The following C13orf42 variants were observed in gnomAD, a reference collection of about 807,000 sequenced individuals.
The protein encoded by C13orf42 is chromosome 13 open reading frame 42.
intron 1 of C13orf42, among the ~76,000 whole-genome samples, chr13:51,141,095 G>GGGGT (rs1555268146): frequency 7.8e-6 from 1 of 128,498 alleles, no homozygotes; most frequent in South Asian, 2.8e-4. Flanking sequence ...ATCGAAGGGA[G>GGGGT]GTGTGTGTGT....
chr13:51,167,833 T>C (rs1449102134), intron 1 of C13orf42, among the ~76,000 whole-genome samples: 1 of 152,194 alleles, frequency 6.6e-6, no homozygotes, highest in Non-Finnish European at 1.5e-5. Flanking sequence ...AACATATGTG[T>C]CTAACTTGAT....
intron 1 of C13orf42, among the ~76,000 whole-genome samples, chr13:51,170,087 A>G (rs9596473): frequency 2.0e-5 from 3 of 152,096 alleles, no homozygotes; most frequent in South Asian, 2.1e-4. Context: ...TCCTGGCTCA[A>G]AAAGCACCCC....
chr13:51,138,498 A>C (rs1953673543), intron 1 of C13orf42, among the ~76,000 whole-genome samples: 1 of 149,082 alleles, frequency 6.7e-6, no homozygotes, highest in African/African-American at 2.5e-5. Context: ...GAAAAATACA[A>C]ATCAAAACCA....
intron 1 of C13orf42, among the ~76,000 whole-genome samples, chr13:51,144,687 A>C (rs1953721421): frequency 6.6e-6 from 1 of 152,176 alleles, no homozygotes; most frequent in African/African-American, 2.4e-5. Flanking sequence ...GACCTGTGGT[A>C]AGTAAAGAAT....
Position 51,085,343 on chromosome 13 carries a change from A to C in C13orf42, c.779T>G (p.Phe260Cys). ...CTCTTTTTTGCAGGCTTTGGGCTTAAATTTCCAGGTGTTGAAGGCCCCTTC... is the reference window on the plus strand; with the variant it reads ...CTCTTTTTTGCAGGCTTTGGGCTTACATTTCCAGGTGTTGAAGGCCCCTTC... ...AVEGAFNTWK[F>C]KPKACKKDLG... The change falls in exon 3 of 4, where the codon TTT becomes TGT. Residue 260 changes from phenylalanine (F) to cysteine (C), a missense_variant. By Grantham distance (205) the Phe-to-Cys change is radical. Coordinates refer to ENST00000563710, the MANE Select transcript of C13orf42 (RefSeq NM_001351589.3). 1 of 398,520 alleles carries C rather than the reference A, an allele frequency of 2.5e-6. No individual in the cohort carries two copies. The highest frequency in any genetic ancestry group is 2.1e-5 in the African/African-American group (1 of 48,694). 24.7% of individuals were successfully genotyped at this position (398,520 alleles called of 1,614,324 possible).
intron 1 of C13orf42, among the ~76,000 whole-genome samples, chr13:51,099,687 T>C (rs1953267080): frequency 6.6e-6 from 1 of 152,120 alleles, no homozygotes. Flanking sequence ...CAGGCTGGAG[T>C]GCAGTGCCGT....
chr13:51,108,144 T>C (rs1218712249), intron 1 of C13orf42, among the ~76,000 whole-genome samples: 1 of 152,198 alleles, frequency 6.6e-6, no homozygotes, highest in Non-Finnish European at 1.5e-5. Flanking sequence ...GGCCATCTTC[T>C]TATGAAAACA....
At chr13:51,119,511 C>T (rs1356429305) in intron 1 of C13orf42, among the ~76,000 whole-genome samples, 1 of 152,120 alleles carries the variant, frequency 6.6e-6, no homozygotes, top group Admixed American at 6.5e-5. Context: ...CCCAAATGCC[C>T]ATCAACAGAT....
At chr13:51,121,781 C>T (rs1284237636) in intron 1 of C13orf42, among the ~76,000 whole-genome samples, 2 of 152,068 alleles carry the variant, frequency 1.3e-5, no homozygotes, top group Non-Finnish European at 2.9e-5. Flanking sequence ...GTGATCCACC[C>T]GCCTCGGCCT....
intron 1 of C13orf42, among the ~76,000 whole-genome samples, chr13:51,169,236 G>T (rs983152561): frequency 6.6e-6 from 1 of 152,188 alleles, no homozygotes; most frequent in African/African-American, 2.4e-5. Flanking sequence ...AAATTGTTGT[G>T]CCCAAAATAC....
chr13:51,155,088 G>C (rs750739066), intron 1 of C13orf42, among the ~76,000 whole-genome samples: 1 of 152,050 alleles, frequency 6.6e-6, no homozygotes, highest in Non-Finnish European at 1.5e-5. Flanking sequence ...CTATCTCCTG[G>C]ATGATGCTCA....
intron 1 of C13orf42, among the ~76,000 whole-genome samples, chr13:51,101,348 T>C (rs1347628854): frequency 6.6e-6 from 1 of 152,188 alleles, no homozygotes; most frequent in African/African-American, 2.4e-5. Flanking sequence ...CCTATACTTT[T>C]CTGTGTGTTA....
intron 1 of C13orf42, among the ~76,000 whole-genome samples, chr13:51,164,624 C>T (rs977122170): frequency 2.6e-5 from 4 of 152,172 alleles, no homozygotes; most frequent in East Asian, 1.9e-4. Flanking sequence ...TGCACCACTG[C>T]GCTCCAGCCT....
At chr13:51,162,196 T>C (rs1017685936) in intron 1 of C13orf42, 5 of 207,448 alleles carry the variant, frequency 2.4e-5, no homozygotes, top group Non-Finnish European at 5.0e-5. Flanking sequence ...TCATTCTGTA[T>C]TTGTGTGTGT....
chr13:51,156,894 T>A (rs560785296), intron 1 of C13orf42, among the ~76,000 whole-genome samples: 7 of 152,370 alleles, frequency 4.6e-5, no homozygotes, highest in Non-Finnish European at 8.8e-5. Flanking sequence ...ACGCAATTGT[T>A]ACCCAGTGCC....
chr13:51,145,326 AT>A lies in C13orf42; in HGVS notation n.136+26926del, dbSNP rs60447395. Among the ~76,000 whole-genome samples, 611 of 151,542 alleles carry A rather than the reference AT, an allele frequency of 4.0e-3. 4 individuals are homozygous for A. The highest frequency in any genetic ancestry group is 0.014 in the African/African-American group (590 of 41,252). On this transcript the variant is annotated intron_variant and non_coding_transcript_variant, in intron 1 of 4. Transcript: ENST00000433280. Reference sequence around the variant, plus strand: ...CTTCAGAGTAATGTGGTCTATATCGATTTTTTTTTCCAGGATTGTTCTTTTG... The same window carrying A: ...CTTCAGAGTAATGTGGTCTATATCGATTTTTTTTCCAGGATTGTTCTTTTG...
chr13:51,127,587 T>C (rs1456617753), intron 1 of C13orf42, among the ~76,000 whole-genome samples: 1 of 152,210 alleles, frequency 6.6e-6, no homozygotes, highest in East Asian at 1.9e-4. Flanking sequence ...CTGCAAAGTG[T>C]TACCTTCCAT....
chr13:51,149,676 A>G (rs554737022), intron 1 of C13orf42, among the ~76,000 whole-genome samples: 11 of 152,220 alleles, frequency 7.2e-5, no homozygotes, highest in Non-Finnish European at 1.2e-4. Context: ...TGAAGCCACT[A>G]TGAGCCAAAG....
chr13:51,169,747 G>A (rs559603820), intron 1 of C13orf42, among the ~76,000 whole-genome samples: 1 of 152,330 alleles, frequency 6.6e-6, no homozygotes, highest in African/African-American at 2.4e-5. Context: ...GCTTCCATGT[G>A]GTGTTAAGCC....
Sources: allele counts gnomAD v4.1 joint callset (sites outside exome capture counted in the v4.1 genomes callset), GRCh38; gene constraint gnomAD v4.1.1; transcripts MANE v1.5; gene names NCBI Gene and HGNC (gene_info 2026-07-23, HGNC 2026-07-21).